PIDD1: variants seen among roughly 807,000 people sequenced by gnomAD.
The protein encoded by PIDD1 is p53-induced death domain-containing protein 1.
In PIDD1, 72 loss-of-function variants were observed where a neutral mutation model predicts 80.0. The ratio of observed to expected loss-of-function variants is 0.90; its 90% CI spans 0.74 to 1.09. The LOEUF is 1.09. Ranked by LOEUF, PIDD1 falls within the 50% of genes least tolerant of loss-of-function variation. PIDD1 has a pLI of 0.00. For missense variants in PIDD1, 1,329 were observed against 1,228.3 expected, an observed-to-expected ratio of 1.08 and a Z score of -1.23; for synonymous variants, 655 against 543.5, an observed-to-expected ratio of 1.21 and a Z score of -2.85.
chr11:799,288 G>C lies in PIDD1; in HGVS notation c.*19C>G. 1 of 1,566,150 alleles carries C rather than the reference G, an allele frequency of 6.4e-7. No individual in the cohort carries two copies. Among genetic ancestry groups the C allele is most frequent in the Non-Finnish European group, 8.6e-7 (1 of 1,157,656 alleles). On this transcript the variant is annotated 3_prime_UTR_variant, in exon 16 of 16. Transcript: ENST00000347755. ...CATCCACTGGGGAATATCTGGGCCA[G>C]CCTAAAAGTCTGTGGGGCCTAGGCC...
intron 2 of PIDD1, 40 bp from the exon 3 acceptor site, chr11:803,627 G>A: frequency 2.6e-6 from 4 of 1,567,064 alleles, no homozygotes; most frequent in Non-Finnish European, 3.5e-6. Context: ...CAGAGCCAGG[G>A]TCCGAGGTCC....
At chr11:806,968 C>CA (rs906630226), upstream of PIDD1, among the ~76,000 whole-genome samples, 8 of 152,204 alleles carry the variant, frequency 5.3e-5, no homozygotes, top group African/African-American at 1.9e-4. Context: ...GAGGTGGGCG[C>CA]ATCACTTGAG....
chr11:808,431 GAAAAAA>G (rs559149082), upstream of PIDD1, among the ~76,000 whole-genome samples: 2 of 138,530 alleles, frequency 1.4e-5, no homozygotes, highest in African/African-American at 5.4e-5. Context: ...CAGAAAAAAA[GAAAAAA>G]AAAAGTTGGG....
upstream of PIDD1, among the ~76,000 whole-genome samples, chr11:807,365 G>A (rs1191657865): frequency 7.2e-5 from 11 of 151,794 alleles, no homozygotes; most frequent in Non-Finnish European, 2.9e-5. Context: ...TGTAGTCCCA[G>A]CTACTCGGGA....
Position 800,992 on chromosome 11 carries a change from AGTGT to A in PIDD1, c.1755_1758del (p.His586SerfsTer30). 1 of 1,604,358 alleles carries A rather than the reference AGTGT, an allele frequency of 6.2e-7. No homozygotes were observed. The highest frequency in any genetic ancestry group is 8.5e-7 in the Non-Finnish European group (1 of 1,176,152). On this transcript the variant is annotated frameshift_variant, in exon 10 of 16. Transcript: ENST00000347755. LOFTEE classifies it high-confidence loss of function. Reference sequence around the variant, plus strand: ...AAGCTGGGGGGCACTGACCAGGAGAAGTGTGTGACCTGGAAGCGTGCGTACAGGT... The same window carrying A: ...AAGCTGGGGGGCACTGACCAGGAGAAGTGACCTGGAAGCGTGCGTACAGGT...
In PIDD1 at chr11:799,879, G is replaced by A. The variant is rs7112652; in HGVS notation, c.2410C>T (p.Pro804Ser). The change falls in exon 15 of 16, where the codon CCA becomes TCA. Residue 804 changes from proline (P) to serine (S), a missense_variant. Transcript: ENST00000347755. ...ACCCCCAGGTGCAGGGCCACGGCTGGCCAGTCCAGACCCAGACGCCCAGCC... is the reference window on the plus strand; with the variant it reads ...ACCCCCAGGTGCAGGGCCACGGCTGACCAGTCCAGACCCAGACGCCCAGCC... ...SVAGRLGLDW[P>S]AVALHLGVSY... is the part of the protein sequence containing the mutation. 5 of 1,611,456 alleles carry A rather than the reference G, an allele frequency of 3.1e-6. No homozygotes were observed. In the African/African-American group the frequency reaches 4.0e-5, roughly 13 times the overall value.
At position 803,324 on chromosome 11, in the gene PIDD1, G is replaced by A. The variant is rs371418995; in HGVS notation, c.559C>T (p.Pro187Ser). ...TVTHNRLQTL[P>S]PALGALSTLQ... ...GTGGATAGGGCCCCCAGTGCTGGGG[G>A]CAGCGTCTGCAGGCGGTTGTGTGTC... Residue 187 changes from proline (P) to serine (S), a missense_variant, in exon 3 of 16, where the codon CCC becomes TCC. Transcript: ENST00000347755. 10 of 1,613,850 alleles carry A rather than the reference G, an allele frequency of 6.2e-6. No homozygotes were observed. Among genetic ancestry groups the A allele is most frequent in the Non-Finnish European group, 7.6e-6 (9 of 1,179,984 alleles).
chr11:799,280 C>CTG lies in PIDD1; in HGVS notation c.*25_*26dup. ...GCTCTGCCCATCCACTGGGGAATATCTGGGCCAGCCTAAAAGTCTGTGGGG... is the reference window on the plus strand; with the variant it reads ...GCTCTGCCCATCCACTGGGGAATATCTGTGGGCCAGCCTAAAAGTCTGTGGGG... On this transcript the variant is annotated 3_prime_UTR_variant, in exon 16 of 16. Transcript: ENST00000347755. The CTG allele has an allele frequency of 7.7e-6, 12 of 1,551,002 alleles. No individual in the cohort carries two copies. The highest frequency in any genetic ancestry group is 1.0e-5 in the Non-Finnish European group (12 of 1,150,236).
In PIDD1 at chr11:804,085, G is replaced by A. The variant is rs1299534133; in HGVS notation, c.295+9C>T. The A allele has an allele frequency of 6.3e-7, 1 of 1,599,950 alleles. No homozygotes were observed. The highest frequency in any genetic ancestry group is 1.3e-5 in the African/African-American group (1 of 74,800). On this transcript the variant is annotated intron_variant, in intron 2 of 15. Coordinates refer to ENST00000347755, the MANE Select transcript of PIDD1 (RefSeq NM_145886.4). The stretch of plus-strand genomic sequence containing the variant: ...GATGGAGACAGGGCCCAGAACAGGT[G>A]GAACTCACCTTTGAGGACCAGGGAG...
intron 15 of PIDD1, 101 bp from the exon 16 acceptor site, chr11:799,666 C>T: frequency 7.0e-7 from 1 of 1,418,932 alleles, no homozygotes; most frequent in Non-Finnish European, 9.3e-7. Flanking sequence ...GCTCCTGGGG[C>T]CAGGTGCGGC....
Position 799,302 on chromosome 11 carries a change from G to GGGGCCT in PIDD1, c.2732_*4dup. 1 of 1,580,590 alleles carries GGGGCCT rather than the reference G, an allele frequency of 6.3e-7. No homozygotes were observed. Among genetic ancestry groups the GGGGCCT allele is most frequent in the Non-Finnish European group, 8.6e-7 (1 of 1,164,366 alleles). On this transcript the variant is annotated 3_prime_UTR_variant, in exon 16 of 16. Coordinates refer to ENST00000347755, the MANE Select transcript of PIDD1 (RefSeq NM_145886.4). ...TATCTGGGCCAGCCTAAAAGTCTGT[G>GGGGCCT]GGGCCTAGGCCTGGGCAGGCTCTGG... is the stretch of plus-strand genomic sequence containing the variant.
In PIDD1 at chr11:805,204, G is replaced by T. The variant is rs558456132; in HGVS notation, c.-101C>A. 4 of 983,400 alleles carry T rather than the reference G, an allele frequency of 4.1e-6. No homozygotes were observed. In the African/African-American group the frequency reaches 7.0e-5, roughly 17 times the overall value. The allele number at this position is 983,400 out of a possible 1,614,324, so 60.9% of individuals were successfully genotyped here. ...CTGCGCTGCAGGCGGCGCGCAAAGG[G>T]TGGCTGCTCAGCGGGCGCTCGGCGC... On this transcript the variant is annotated 5_prime_UTR_variant, in exon 1 of 16. Coordinates refer to ENST00000347755, the MANE Select transcript of PIDD1 (RefSeq NM_145886.4).
At chr11:802,628 A>G (rs369310654) in intron 4 of PIDD1, 31 bp from the exon 5 acceptor site, 16 of 1,609,826 alleles carry the variant, frequency 9.9e-6, no homozygotes, top group Non-Finnish European at 1.3e-5. Flanking sequence ...TGCTCAGGAC[A>G]GTGAGGAGAC....
Position 801,382 on chromosome 11 carries a change from C to G in PIDD1, c.1483-17G>C, listed in dbSNP as rs201574774. The G allele has an allele frequency of 1.9e-6, 3 of 1,602,864 alleles. No homozygotes were observed. Among genetic ancestry groups the G allele is most frequent in the Non-Finnish European group, 2.6e-6 (3 of 1,174,446 alleles). On this transcript the variant is annotated splice_polypyrimidine_tract_variant and intron_variant, in intron 8 of 15. Transcript: ENST00000347755. ...GCGCACCACCTGGGGCAGACAGGCC[C>G]CCTGAGCACCTGCCTGTGGGCTGAG...
chr11:801,873 G>T, intron 7 of PIDD1, 92 bp downstream of exon 7: 1 of 1,499,044 alleles, frequency 6.7e-7, no homozygotes, highest in Non-Finnish European at 9.1e-7. Context: ...ACGGGGCAGG[G>T]TGGAAGGTGC....
chr11:801,866 G>T, intron 7 of PIDD1, 99 bp downstream of exon 7: 1 of 1,466,634 alleles, frequency 6.8e-7, no homozygotes, highest in Non-Finnish European at 9.3e-7. Context: ...AGGAGGGACG[G>T]GGCAGGGTGG....
Position 803,456 on chromosome 11 carries a change from A to C in PIDD1, c.427T>G (p.Cys143Gly), listed in dbSNP as rs1385296781. 1 of 1,613,850 alleles carries C rather than the reference A, an allele frequency of 6.2e-7. No individual in the cohort carries two copies. Among genetic ancestry groups the C allele is most frequent in the Non-Finnish European group, 8.5e-7 (1 of 1,179,998 alleles). ...CCCAGACCTCGCATCTGCAGGACACAGGCCGGCAGTGTCTCCAGGCTGTTG... is the reference window on the plus strand; with the variant it reads ...CCCAGACCTCGCATCTGCAGGACACCGGCCGGCAGTGTCTCCAGGCTGTTG... ...SFNSLETLPA[C>G]VLQMRGLGAL... Residue 143 changes from cysteine to glycine, a missense_variant, in exon 3 of 16, where the codon TGT becomes GGT. Coordinates refer to ENST00000347755, the MANE Select transcript of PIDD1 (RefSeq NM_145886.4).
In PIDD1 at chr11:799,240, G is replaced by A. The variant is rs1408029220; in HGVS notation, c.*67C>T. On this transcript the variant is annotated 3_prime_UTR_variant, in exon 16 of 16. Transcript: ENST00000347755. ...GGGACCCGTCCCCACACACTGGAGA[G>A]ACTTGAAGGTGGGGGCTCTGCCCAT... The A allele has an allele frequency of 6.9e-7, 1 of 1,449,470 alleles. No individual in the cohort carries two copies. Among genetic ancestry groups the A allele is most frequent in the Admixed American group, 2.2e-5 (1 of 45,468 alleles). 89.8% of individuals were successfully genotyped at this position (1,449,470 alleles called of 1,614,324 possible). A position where few individuals can be genotyped will look rare whatever the true frequency, so the allele number is the denominator to read the frequency against.
At position 800,172 on chromosome 11, in the gene PIDD1, C is replaced by G; in HGVS notation, c.2233G>C (p.Ala745Pro). 4 of 1,610,700 alleles carry G rather than the reference C, an allele frequency of 2.5e-6. No homozygotes were observed. The South Asian group carries it at 4.4e-5, about 18-fold the overall frequency. The change falls in exon 14 of 16, where the codon GCA becomes CCA. Residue 745 changes from alanine (A) to proline (P), a missense_variant. By Grantham distance (27) the Ala-to-Pro change is conservative. Transcript: ENST00000347755. ...EAEAARQRKG[A>P]DALWMATLPI... Reference sequence around the variant, plus strand: ...AGAGTGGCCATCCACAGGGCGTCTGCGCCCTTCCTCTGCCGGGCAGCCTCA... The same window carrying G: ...AGAGTGGCCATCCACAGGGCGTCTGGGCCCTTCCTCTGCCGGGCAGCCTCA...
Sources: gnomAD v4.1 joint callset for allele counts (sites outside exome capture counted in the v4.1 genomes callset) on GRCh38, gnomAD v4.1.1 for gene constraint, MANE v1.5 for transcripts, NCBI Gene and HGNC (gene_info 2026-07-23, HGNC 2026-07-21) for gene names.